LMTK3: variants seen among roughly 807,000 people sequenced by gnomAD.
LMTK3 encodes serine/threonine-protein kinase LMTK3.
A neutral mutation model predicts 116.7 loss-of-function variants in LMTK3; 27 were observed. The ratio of observed to expected loss-of-function variants is 0.23; its 90% CI spans 0.17 to 0.32. LMTK3 has a LOEUF of 0.32. Among genes scored for constraint, LMTK3 ranks in the 10% least tolerant of loss-of-function variants. LMTK3 has a pLI of 1.00. For synonymous variants in LMTK3, 965 were observed against 971.0 expected, an observed-to-expected ratio of 0.99 and a Z score of 0.11; for missense variants, 1,764 against 2,068.5, an observed-to-expected ratio of 0.85 and a Z score of 2.86.
chr19:48,511,593 GGGAGGT>G lies in LMTK3; in HGVS notation c.-23_-18del. On this transcript the variant is annotated 5_prime_UTR_variant, in exon 1 of 15. Transcript: ENST00000600059. Reference sequence around the variant, plus strand: ...GGCAGGCATCTTGTCGAGGATGGCAGGGAGGTGGAGGTGGTGGCGGCTGGGGAGGAG... The same window carrying G: ...GGCAGGCATCTTGTCGAGGATGGCAGGGAGGTGGTGGCGGCTGGGGAGGAG... The G allele has an allele frequency of 3.0e-6, 4 of 1,327,416 alleles. No individual in the cohort carries two copies. The highest frequency in any genetic ancestry group is 4.0e-6 in the Non-Finnish European group (4 of 1,001,296). 82.2% of individuals were successfully genotyped at this position (1,327,416 alleles called of 1,614,324 possible).
chr19:48,511,130 T>C (rs1181499967), intron 1 of LMTK3, among the ~76,000 whole-genome samples: 1 of 152,194 alleles, frequency 6.6e-6, no homozygotes, highest in African/African-American at 2.4e-5. Flanking sequence ...CCGCAAGCCC[T>C]GGGTCTCTCC....
chr19:48,509,065 C>T, intron 4 of LMTK3, 96 bp from the exon 5 acceptor site: 3 of 791,890 alleles, frequency 3.8e-6, no homozygotes, highest in Non-Finnish European at 6.1e-6. Flanking sequence ...CAACCCCCGG[C>T]TCCTTCCCAG....
chr19:48,491,240 T>C lies in LMTK3; in HGVS notation c.4234A>G (p.Ser1412Gly). ...FPSNDSGFGG[S>G]FEWAEDFPLL... ...GGGAAATCCTCCGCCCACTCGAAAC[T>C]GCCTCCTGCGGCAGAAGGAAAGACC... is the stretch of plus-strand genomic sequence containing the variant. The change falls in exon 14 of 15, where the codon AGT becomes GGT. Residue 1412 changes from serine (S) to glycine (G), a missense_variant. By Grantham distance (56) the Ser-to-Gly change is moderately conservative. Transcript: ENST00000600059. The surrounding 1 kb of genome is among the most constrained non-coding windows in gnomAD (Gnocchi z 5.1). 6 of 1,404,108 alleles carry C rather than the reference T, an allele frequency of 4.3e-6. No individual in the cohort carries two copies. The highest frequency in any genetic ancestry group is 5.6e-6 in the Non-Finnish European group (6 of 1,075,914). The allele number at this position is 1,404,108 out of a possible 1,614,324, so 87.0% of individuals were successfully genotyped here.
Position 48,493,914 on chromosome 19 carries a change from GCCTCCTCGT to G in LMTK3, c.3863_3871del (p.Asp1288_Glu1290del). On this transcript the variant is annotated inframe_deletion, in exon 12 of 15. Transcript: ENST00000600059. ...CCCCGCCGCCGCGCCCGGCGCCGCC[GCCTCCTCGT>G]CCTCCTCCTCGTCCTCGTCCTCGTC... The G allele has an allele frequency of 4.9e-6, 5 of 1,028,984 alleles. No homozygotes were observed. Among genetic ancestry groups the G allele is most frequent in the Non-Finnish European group, 4.6e-6 (4 of 861,994 alleles). The allele number at this position is 1,028,984 out of a possible 1,614,324, so 63.7% of individuals were successfully genotyped here.
rs1210757543 is a variant in LMTK3, at chr19:48,491,975, A to ACCC, written c.4093-439_4093-437dup. 2.0e-5 allele frequency among the ~76,000 whole-genome samples: 3 copies of ACCC among 150,754 alleles called. No individual in the cohort carries two copies. On this transcript the variant is annotated intron_variant, in intron 12 of 14. Coordinates refer to ENST00000600059, the MANE Select transcript of LMTK3 (RefSeq NM_001388485.1). This position sits in a 1 kb window ranked among gnomAD's most constrained non-coding sequence, Gnocchi z 5.1. ...AGCGCATGCCGTGCTGGATGCTGTG[A>ACCC]CCCTGCCCCTGAGCCCTCCCTCAGA...
chr19:48,491,412 C>G lies in LMTK3; in HGVS notation c.4220G>C (p.Ser1407Thr). Reference sequence around the variant, plus strand: ...ATAGGGCCCGTCCTCACCAAAGCCGCTGTCGTTGCTGGGAAACCCATCTCC... The same window carrying G: ...ATAGGGCCCGTCCTCACCAAAGCCGGTGTCGTTGCTGGGAAACCCATCTCC... ...TPGDGFPSND[S>T]GFGGSFEWAE... The change falls in exon 13 of 15, where the codon AGC becomes ACC. Residue 1407 changes from serine (S) to threonine (T), a missense_variant. Ser to Thr is a moderately conservative substitution (Grantham distance 58, BLOSUM62 1). Coordinates refer to ENST00000600059, the MANE Select transcript of LMTK3 (RefSeq NM_001388485.1). This position sits in a 1 kb window ranked among gnomAD's most constrained non-coding sequence, Gnocchi z 5.1. 7.1e-7 allele frequency: 1 copy of G among 1,414,764 alleles called. No individual in the cohort carries two copies. Among genetic ancestry groups the G allele is most frequent in the Non-Finnish European group, 9.2e-7 (1 of 1,084,470 alleles). 87.6% of individuals were successfully genotyped at this position (1,414,764 alleles called of 1,614,324 possible). A position where few individuals can be genotyped will look rare whatever the true frequency, so the allele number is the denominator to read the frequency against.
chr19:48,498,664 G>C lies in LMTK3; in HGVS notation c.2405C>G (p.Ser802Cys), dbSNP rs981670765. The C allele has an allele frequency of 1.3e-6, 2 of 1,541,132 alleles. No homozygotes were observed. Among genetic ancestry groups the C allele is most frequent in the Non-Finnish European group, 1.7e-6 (2 of 1,145,364 alleles). ...CCCACCTGGGAAGGCTCCCTCTGGG[G>C]AAAAAGGGGTCTCGGTCTCGTAGCC... is the stretch of plus-strand genomic sequence containing the variant. ...DSGYETETPFSPEGAFPGGGA... is the reference protein window; with the variant it reads ...DSGYETETPFCPEGAFPGGGA... The change falls in exon 11 of 15, where the codon TCC (serine) becomes TGC (cysteine). Residue 802 changes from serine (S) to cysteine (C), a missense_variant. Coordinates refer to ENST00000600059, the MANE Select transcript of LMTK3 (RefSeq NM_001388485.1).
At position 48,501,028 on chromosome 19, in the gene LMTK3, C is replaced by T. The variant is rs1972455962; in HGVS notation, c.1119G>A (p.Arg373=). Residue 373 remains arginine (R), a synonymous_variant, in exon 10 of 15, where the codon CGG becomes CGA. Transcript: ENST00000600059. Reference sequence around the variant, plus strand: ...CCGCGTAAGGCAGCTTGAGCCTCGGCCGGGCCAGCTTCACATGCTGCTGGC... The same window carrying T: ...CCGCGTAAGGCAGCTTGAGCCTCGGTCGGGCCAGCTTCACATGCTGCTGGC... ...VVRQQHVKLA[R]PRLKLPYADY... is the part of the protein sequence containing the mutation. 3.3e-6 allele frequency: 5 copies of T among 1,534,622 alleles called. No homozygotes were observed. Among genetic ancestry groups the T allele is most frequent in the Middle Eastern group, 2.0e-4 (1 of 5,012 alleles).
chr19:48,500,103 A>C lies in LMTK3; in HGVS notation c.1152-186T>G, dbSNP rs1403084810. On this transcript the variant is annotated intron_variant, in intron 10 of 14. Coordinates refer to ENST00000600059, the MANE Select transcript of LMTK3 (RefSeq NM_001388485.1). The surrounding 1 kb of genome is among the most constrained non-coding windows in gnomAD (Gnocchi z 4.0). ...CAGAGACAGAGGGACAGAGATCCAG[A>C]GACAGAGGGACAGAGACCCAGAGAG... Among the ~76,000 whole-genome samples the C allele has an allele frequency of 4.0e-5, 6 of 151,570 alleles. No individual in the cohort carries two copies. Among genetic ancestry groups the C allele is most frequent in the South Asian group, 2.1e-4 (1 of 4,796 alleles).
chr19:48,507,973 C>T (rs1569107220), intron 5 of LMTK3, among the ~76,000 whole-genome samples: 2 of 152,102 alleles, frequency 1.3e-5, no homozygotes, highest in Non-Finnish European at 2.9e-5. Context: ...TGTCTCTGAG[C>T]TGAGGCCTGA....
In LMTK3 at chr19:48,499,377, C is replaced by G. The variant is rs1432888763; in HGVS notation, c.1692G>C (p.Val564=). The stretch of plus-strand genomic sequence containing the variant: ...GGGCCTGGGGGGCCTGAGGGGCGGG[C>G]ACTCCTGGGTCCAGGGGGTCCCAGT... ...PNDWDPLDPG[V]PAPQAPQAPS... The change falls in exon 11 of 15, where the codon GTG becomes GTC. Residue 564 remains valine (V), a synonymous_variant. Coordinates refer to ENST00000600059, the MANE Select transcript of LMTK3 (RefSeq NM_001388485.1). 7 of 1,428,264 alleles carry G rather than the reference C, an allele frequency of 4.9e-6. No individual in the cohort carries two copies. The highest frequency in any genetic ancestry group is 6.4e-6 in the Non-Finnish European group (7 of 1,087,850). The allele number at this position is 1,428,264 out of a possible 1,614,324, so 88.5% of individuals were successfully genotyped here. A position where few individuals can be genotyped will look rare whatever the true frequency, so the allele number is the denominator to read the frequency against.
At chr19:48,502,100 C>A (rs1243484228) in intron 7 of LMTK3, among the ~76,000 whole-genome samples, 2 of 126,426 alleles carry the variant, frequency 1.6e-5, no homozygotes, top group African/African-American at 6.1e-5. Flanking sequence ...TCCTCCTCCC[C>A]CTCTCCTGGC....
At position 48,501,353 on chromosome 19, in the gene LMTK3, C is replaced by A; in HGVS notation, c.931G>T (p.Ala311Ser). The A allele has an allele frequency of 6.2e-7, 1 of 1,613,292 alleles. No individual in the cohort carries two copies. The highest frequency in any genetic ancestry group is 8.5e-7 in the Non-Finnish European group (1 of 1,179,774). ...TGGAGCTCCCCGAGGAGCTCGGGCG[C>A]CGCCCAGCGCAGTGGGATCCACAGG... The part of the protein sequence containing the change: ...ERLWIPLRWA[A>S]PELLGELHGT... Residue 311 changes from alanine to serine, a missense_variant, in exon 9 of 15, where the codon GCG (alanine) becomes TCG (serine). Coordinates refer to ENST00000600059, the MANE Select transcript of LMTK3 (RefSeq NM_001388485.1).
rs1441509987 is a variant in LMTK3 at position 48,499,930 on chromosome 19, G to C, written c.1152-13C>G. On this transcript the variant is annotated splice_polypyrimidine_tract_variant and intron_variant, in intron 10 of 14. Transcript: ENST00000600059. ...AAGAATGTCATACCTGGGGAGAGGTGGGGCAGAGTGAGCAGGGCAGAGACC... is the reference window on the plus strand; with the variant it reads ...AAGAATGTCATACCTGGGGAGAGGTCGGGCAGAGTGAGCAGGGCAGAGACC... 6.4e-7 allele frequency: 1 copy of C among 1,574,188 alleles called. No individual in the cohort carries two copies.
At chr19:48,502,338 C>T (rs1306143424) in intron 7 of LMTK3, 95 bp downstream of exon 7, 2 of 1,428,226 alleles carry the variant, frequency 1.4e-6, no homozygotes, top group Non-Finnish European at 9.5e-7. Context: ...GTCAGCCAGT[C>T]ATGGGTCCGC....
Position 48,497,744 on chromosome 19 carries a change from G to C in LMTK3, c.3325C>G (p.Leu1109Val), listed in dbSNP as rs1972358831. Residue 1109 changes from leucine to valine, a missense_variant, in exon 11 of 15, where the codon CTC (leucine) becomes GTC (valine). By Grantham distance (32) the Leu-to-Val change is conservative. This residue lies in a region of LMTK3 where 1,028 missense variants were observed against 1,050.6 expected (regional missense o/e 0.98). Transcript: ENST00000600059. The surrounding 1 kb of genome is among the most constrained non-coding windows in gnomAD (Gnocchi z 5.7). ...ACTGGGGCTCGGCCCCCACTCCCGA[G>C]GTCCAGCCTCCCAGCCCCTGGGGCT... The part of the protein sequence containing the change: ...PRAPGAGRLD[L>V]GSGGRAPVGT... 1 of 1,348,544 alleles carries C rather than the reference G, an allele frequency of 7.4e-7. No homozygotes were observed. The highest frequency in any genetic ancestry group is 9.5e-7 in the Non-Finnish European group (1 of 1,055,612). 83.5% of individuals were successfully genotyped at this position (1,348,544 alleles called of 1,614,324 possible).
In LMTK3 at chr19:48,502,933, C is replaced by T; in HGVS notation, c.621G>A (p.Leu207=). ...CCAGTTGACAGAACTCCATAATCAG[C>T]AGAAACGGCAGCGTCTCCACGCACA... ...LGLCVETLPF[L]LIMEFCQLGD... Residue 207 remains leucine (L), a synonymous_variant, in exon 6 of 15, where the codon CTG becomes CTA. Transcript: ENST00000600059. 6.2e-7 allele frequency: 1 copy of T among 1,613,014 alleles called. No individual in the cohort carries two copies. The highest frequency in any genetic ancestry group is 8.5e-7 in the Non-Finnish European group (1 of 1,179,416).
chr19:48,510,695 G>T, intron 1 of LMTK3, 103 bp from the exon 2 acceptor site: 2 of 1,314,728 alleles, frequency 1.5e-6, no homozygotes, highest in Non-Finnish European at 1.0e-6. Flanking sequence ...CTCCCGTGAT[G>T]CTCTGCGACC....
intron 11 of LMTK3, among the ~76,000 whole-genome samples, chr19:48,496,360 A>G (rs1427586650): frequency 1.3e-5 from 2 of 150,078 alleles, no homozygotes; most frequent in Non-Finnish European, 2.9e-5. Context: ...GTGCAGTGGC[A>G]CAATCTCGGC....
Sources: allele counts gnomAD v4.1 joint callset (sites outside exome capture counted in the v4.1 genomes callset), GRCh38; gene constraint gnomAD v4.1.1; regional missense constraint gnomAD v4.1.1; non-coding constraint Gnocchi (gnomAD v3.1); transcripts MANE v1.5; gene names NCBI Gene and HGNC (gene_info 2026-07-23, HGNC 2026-07-21).